Variants in EXOC2 observed in about 807,000 individuals in gnomAD.
The protein encoded by EXOC2 is exocyst complex component 2, also known as SEC5-like 1.
Under a neutral mutation model 131.8 loss-of-function variants are expected in EXOC2, and 70 were observed. That is an observed-to-expected ratio of 0.53 (90% CI 0.44 to 0.65). EXOC2 has a LOEUF of 0.65. EXOC2 is among the 30% of genes least tolerant of loss of function. The pLI, the probability that EXOC2 is intolerant of heterozygous loss-of-function variation, is 0.00. For missense variants in EXOC2, 923 were observed against 1,108.6 expected, an observed-to-expected ratio of 0.83 and a Z score of 2.38; for synonymous variants, 411 against 398.4, an observed-to-expected ratio of 1.03 and a Z score of -0.38.
intron 4 of EXOC2, among the ~76,000 whole-genome samples, chr6:623,513 G>A (rs1365441031): frequency 5.9e-5 from 9 of 152,222 alleles, no homozygotes; most frequent in Admixed American, 2.6e-4. Context: ...TCAAGATGGT[G>A]AAATTCTAAC....
intron 1 of EXOC2, among the ~76,000 whole-genome samples, chr6:641,382 T>A (rs1762346564): frequency 6.6e-6 from 1 of 152,130 alleles, no homozygotes; most frequent in African/African-American, 2.4e-5. Context: ...TTATTCATGA[T>A]CCTCTCAAAC....
intron 1 of EXOC2, among the ~76,000 whole-genome samples, chr6:676,107 C>T (rs554274426): frequency 5.9e-4 from 45 of 76,430 alleles, no homozygotes; most frequent in African/African-American, 1.7e-3. Flanking sequence ...TTCAACATTA[C>T]GGAAAGGACA....
chr6:523,584 A>G (rs1353282597), intron 23 of EXOC2, among the ~76,000 whole-genome samples: 1 of 152,250 alleles, frequency 6.6e-6, no homozygotes, highest in Non-Finnish European at 1.5e-5. Context: ...TCAAACATGT[A>G]TATTTTCATA....
chr6:685,350 C>A (rs1351958310), intron 1 of EXOC2, among the ~76,000 whole-genome samples: 2 of 152,172 alleles, frequency 1.3e-5, no homozygotes, highest in Non-Finnish European at 2.9e-5. Context: ...ACTCTCAGGG[C>A]ACCATAAAAT....
At chr6:488,101 C>A (rs1485910901) in intron 27 of EXOC2, among the ~76,000 whole-genome samples, 6 of 152,224 alleles carry the variant, frequency 3.9e-5, no homozygotes, top group African/African-American at 1.2e-4. Context: ...CATGTGCCCA[C>A]GTGGGATGCG....
At chr6:563,989 G>A in intron 16 of EXOC2, 44 bp downstream of exon 16, 1 of 1,599,776 alleles carries the variant, frequency 6.3e-7, no homozygotes, top group Non-Finnish European at 8.5e-7. Context: ...GGCACATTCA[G>A]ATAATCATTG....
At position 681,369 on chromosome 6, in the gene EXOC2, G is replaced by A. The variant is rs977857064; in HGVS notation, c.-44+11650C>T. ...AACTGAAAGGTCCAAGAGGTGAAAA[G>A]TTTGATATTCTATTACTGCTTCCAC... On this transcript the variant is annotated intron_variant, in intron 1 of 27. Transcript: ENST00000230449. 3.3e-5 allele frequency among the ~76,000 whole-genome samples: 5 copies of A among 152,184 alleles called. No individual in the cohort carries two copies. In the East Asian group the frequency reaches 9.6e-4, roughly 29 times the overall value.
intron 5 of EXOC2, among the ~76,000 whole-genome samples, chr6:618,879 A>T (rs1761144214): frequency 6.6e-6 from 1 of 152,236 alleles, no homozygotes; most frequent in South Asian, 2.1e-4. Context: ...AATTATTTTA[A>T]ATCAATCTTG....
chr6:615,184 T>G (rs1974280), intron 6 of EXOC2, among the ~76,000 whole-genome samples: 65,511 of 114,946 alleles, frequency 0.57, 15,114 homozygotes, highest in Middle Eastern at 0.62. Context: ...TGGGTGTGGG[T>G]GTGTGTGTGT....
At chr6:678,526 G>C (rs1458945487) in intron 1 of EXOC2, among the ~76,000 whole-genome samples, 1 of 152,252 alleles carries the variant, frequency 6.6e-6, no homozygotes, top group Non-Finnish European at 1.5e-5. Flanking sequence ...CCTTCTAGGA[G>C]AATGGTCCTC....
In EXOC2 at chr6:502,040, C is replaced by T. The variant is rs565564076; in HGVS notation, c.2381-2340G>A. Among the ~76,000 whole-genome samples the T allele has an allele frequency of 5.9e-5, 9 of 152,142 alleles. No homozygotes were observed. The South Asian group carries it at 1.4e-3, about 25-fold the overall frequency. On this transcript the variant is annotated intron_variant, in intron 23 of 27. Transcript: ENST00000230449. ...CTGTGGGGGCACTGGGGCCTGGCCT[C>T]GCCGCTCATACCCTCTGGGCAGCCC... is the stretch of plus-strand genomic sequence containing the variant.
intron 23 of EXOC2, among the ~76,000 whole-genome samples, chr6:516,359 G>C (rs958338763): frequency 6.6e-6 from 1 of 152,172 alleles, no homozygotes; most frequent in East Asian, 1.9e-4. Flanking sequence ...AAACTGCAGC[G>C]CTCGTTGTCA....
At chr6:503,924 T>G (rs1764376032) in intron 23 of EXOC2, among the ~76,000 whole-genome samples, 1 of 152,206 alleles carries the variant, frequency 6.6e-6, no homozygotes, top group Middle Eastern at 3.2e-3. Context: ...TTTACTCCCA[T>G]AAAGCACTCA....
At chr6:582,042 C>G (rs372858101) in intron 11 of EXOC2, among the ~76,000 whole-genome samples, 1 of 152,168 alleles carries the variant, frequency 6.6e-6, no homozygotes, top group Non-Finnish European at 1.5e-5. Flanking sequence ...CAATCCTAGT[C>G]ACTTCACTAG....
chr6:635,797 G>A (rs929581522), intron 2 of EXOC2, among the ~76,000 whole-genome samples: 1 of 152,230 alleles, frequency 6.6e-6, no homozygotes, highest in Non-Finnish European at 1.5e-5. Flanking sequence ...GCAAGGCGGC[G>A]CACGCCTGTA....
At chr6:604,558 T>A (rs1277281950) in intron 7 of EXOC2, among the ~76,000 whole-genome samples, 1 of 152,152 alleles carries the variant, frequency 6.6e-6, no homozygotes, top group Admixed American at 6.5e-5. Flanking sequence ...TCACTATTTG[T>A]CTTCAGAATA....
intron 7 of EXOC2, among the ~76,000 whole-genome samples, chr6:603,074 T>C (rs6942228): frequency 0.09 from 13,630 of 152,276 alleles, 1,044 homozygotes; most frequent in African/African-American, 0.21. Flanking sequence ...GTCCTTTCCT[T>C]GGTACTGACA....
chr6:654,837 A>AAAAAAAAT (rs1762996645), intron 1 of EXOC2, among the ~76,000 whole-genome samples: 1 of 141,140 alleles, frequency 7.1e-6, no homozygotes, highest in Non-Finnish European at 1.5e-5. Flanking sequence ...AAAAAAAAAA[A>AAAAAAAAT]GTAGAGCCTT....
In EXOC2 at chr6:619,538, T is replaced by C; in HGVS notation, c.428A>G (p.Lys143Arg). 2 of 1,612,708 alleles carry C rather than the reference T, an allele frequency of 1.2e-6. No individual in the cohort carries two copies. Among genetic ancestry groups the C allele is most frequent in the Non-Finnish European group, 1.7e-6 (2 of 1,178,998 alleles). ...CATTTCTAAGTCCTTCTGCGAAAATTTACTTCTGAGGGGAAAAAACGTTTA... is the reference window on the plus strand; with the variant it reads ...CATTTCTAAGTCCTTCTGCGAAAATCTACTTCTGAGGGGAAAAAACGTTTA... ...NPLGIEIEKS[K>R]FSQKDLEMLF... The change falls in exon 5 of 28, where the codon AAA (lysine) becomes AGA (arginine). Residue 143 changes from lysine (K) to arginine (R), a missense_variant. Lys to Arg is a conservative substitution (Grantham distance 26). Coordinates refer to ENST00000230449, the MANE Select transcript of EXOC2 (RefSeq NM_018303.6).
Sources: gnomAD v4.1 joint callset for allele counts (sites outside exome capture counted in the v4.1 genomes callset) on GRCh38, gnomAD v4.1.1 for gene constraint, MANE v1.5 for transcripts, NCBI Gene and HGNC (gene_info 2026-07-23, HGNC 2026-07-21) for gene names.